PTPRA: variants seen among roughly 807,000 people sequenced by gnomAD.
PTPRA encodes protein tyrosine phosphatase receptor type A.
A neutral mutation model predicts 104.8 loss-of-function variants in PTPRA; 25 were observed. That is an observed-to-expected ratio of 0.24 (90% CI 0.17 to 0.33). The LOEUF is 0.33. PTPRA is among the 10% of genes least tolerant of loss of function. PTPRA has a pLI of 1.00. For synonymous variants in PTPRA, 323 were observed against 368.9 expected, an observed-to-expected ratio of 0.88 and a Z score of 1.43; for missense variants, 765 against 1,015.3, an observed-to-expected ratio of 0.75 and a Z score of 3.35.
intron 20 of PTPRA, among the ~76,000 whole-genome samples, chr20:3,031,308 C>A (rs2065441654): frequency 6.6e-6 from 1 of 151,656 alleles, no homozygotes. Context: ...TGTTTCACTT[C>A]TTTAAGATGC....
chr20:2,907,210 T>C (rs1333261706), intron 1 of PTPRA, among the ~76,000 whole-genome samples: 1 of 152,190 alleles, frequency 6.6e-6, no homozygotes, highest in Admixed American at 6.5e-5. Context: ...TATTATAAAA[T>C]TAGCAAAAGC....
chr20:2,920,601 A>C (rs1421190231), intron 1 of PTPRA, among the ~76,000 whole-genome samples: 4 of 152,120 alleles, frequency 2.6e-5, no homozygotes, highest in African/African-American at 7.2e-5. Context: ...TGCTGAGGAG[A>C]GGAAATTCTG....
At chr20:2,901,698 C>T (rs188979275) in intron 1 of PTPRA, among the ~76,000 whole-genome samples, 157 of 152,042 alleles carry the variant, frequency 1.0e-3, no homozygotes, top group African/African-American at 3.3e-3. Context: ...AAAAATCTTC[C>T]GTTTTGAAAT....
chr20:2,865,861 G>A, the PTPRA span: 9 of 459,898 alleles, frequency 2.0e-5, no homozygotes, highest in African/African-American at 1.8e-4. This position sits in a 1 kb window ranked among gnomAD's most constrained non-coding sequence, Gnocchi z 5.2. Flanking sequence ...GTGGTGGGTA[G>A]TTCAGAGGTG....
intron 3 of PTPRA, among the ~76,000 whole-genome samples, chr20:2,951,163 G>A (rs946609399): frequency 6.6e-6 from 1 of 151,852 alleles, no homozygotes; most frequent in South Asian, 2.1e-4. Context: ...GCAGTGGGGC[G>A]ATCTCGGCTT....
At chr20:2,866,295 C>T in the PTPRA span, 8 of 1,613,960 alleles carry the variant, frequency 5.0e-6, no homozygotes, top group Admixed American at 6.7e-5. Context: ...AGCAGAAGGT[C>T]AAGGCTTTGC....
chr20:3,000,491 T>C (rs145680283), intron 9 of PTPRA, among the ~76,000 whole-genome samples: 1 of 152,288 alleles, frequency 6.6e-6, no homozygotes, highest in Non-Finnish European at 1.5e-5. Flanking sequence ...GGTGGGAGTA[T>C]AAATTAGTAC....
Position 2,965,218 on chromosome 20 carries a change from CTGTT to C in PTPRA, c.415+21_415+24del. 1 of 1,564,746 alleles carries C rather than the reference CTGTT, an allele frequency of 6.4e-7. No homozygotes were observed. The highest frequency in any genetic ancestry group is 8.7e-7 in the Non-Finnish European group (1 of 1,145,004). On this transcript the variant is annotated intron_variant, in intron 5 of 23. Transcript: ENST00000399903. ...CCTCCTTCAGGTACTAGAGATGATTCTGTTTGTTCTTTTGCTCTTTGAGTTTAGT... is the reference window on the plus strand; with the variant it reads ...CCTCCTTCAGGTACTAGAGATGATTCTGTTCTTTTGCTCTTTGAGTTTAGT...
At chr20:2,870,390 T>G (rs2089414460), upstream of PTPRA, among the ~76,000 whole-genome samples, 1 of 151,996 alleles carries the variant, frequency 6.6e-6, no homozygotes, top group African/African-American at 2.4e-5. Context: ...AAAAAAAAAC[T>G]CGGGTTTGAA....
chr20:2,901,434 T>C (rs1249176125), intron 1 of PTPRA, among the ~76,000 whole-genome samples: 1 of 152,212 alleles, frequency 6.6e-6, no homozygotes, highest in Non-Finnish European at 1.5e-5. Context: ...AGAGGTTGCT[T>C]CAGCCATTGC....
At chr20:2,894,473 G>GT (rs965446563) in intron 1 of PTPRA, among the ~76,000 whole-genome samples, 5 of 152,014 alleles carry the variant, frequency 3.3e-5, no homozygotes, top group African/African-American at 7.2e-5. Context: ...TTCAACTTCA[G>GT]TTTTTTTGTG....
intron 1 of PTPRA, among the ~76,000 whole-genome samples, chr20:2,906,664 A>G (rs1349134555): frequency 1.3e-5 from 2 of 152,206 alleles, no homozygotes; most frequent in Admixed American, 6.5e-5. Context: ...TATTCAATAA[A>G]TAATCATCAA....
chr20:2,895,073 T>TTATA (rs1215228796), intron 1 of PTPRA, among the ~76,000 whole-genome samples: 1 of 149,952 alleles, frequency 6.7e-6, no homozygotes, highest in Non-Finnish European at 1.5e-5. Context: ...CTATTACTTG[T>TTATA]TATTTATTTA....
chr20:2,955,690 C>T (rs1167840795), intron 3 of PTPRA: 2 of 983,054 alleles, frequency 2.0e-6, no homozygotes, highest in Non-Finnish European at 2.4e-6. Context: ...ACTCCACCCT[C>T]CCCTGGTGGT....
intron 1 of PTPRA, among the ~76,000 whole-genome samples, chr20:2,898,606 C>G (rs2059112147): frequency 6.6e-6 from 1 of 151,792 alleles, no homozygotes; most frequent in Admixed American, 6.6e-5. Flanking sequence ...GCCTATAATC[C>G]TAGCACTCTG....
chr20:3,006,768 C>T (rs1438582490), intron 10 of PTPRA, among the ~76,000 whole-genome samples: 1 of 152,120 alleles, frequency 6.6e-6, no homozygotes, highest in African/African-American at 2.4e-5. Flanking sequence ...GCTGGGACTA[C>T]CTATAGGCAC....
chr20:3,013,644 C>CGGCCTCCCA (rs1347701032), intron 11 of PTPRA, among the ~76,000 whole-genome samples: 6 of 152,144 alleles, frequency 3.9e-5, no homozygotes, highest in Non-Finnish European at 7.3e-5. Context: ...CTCCCTACCT[C>CGGCCTCCCA]AGGTGATCTG....
chr20:2,959,185 C>G (rs542181890), intron 3 of PTPRA, among the ~76,000 whole-genome samples: 1 of 152,254 alleles, frequency 6.6e-6, no homozygotes, highest in South Asian at 2.1e-4. Flanking sequence ...CTTTTCCTCC[C>G]TAGTGTACGC....
At chr20:2,907,018 A>G (rs530141702) in intron 1 of PTPRA, among the ~76,000 whole-genome samples, 12 of 152,316 alleles carry the variant, frequency 7.9e-5, no homozygotes, top group African/African-American at 2.2e-4. Context: ...CTAAGAAACT[A>G]TATCCACTGC....
Sources: allele counts gnomAD v4.1 joint callset (sites outside exome capture counted in the v4.1 genomes callset), GRCh38; gene constraint gnomAD v4.1.1; non-coding constraint Gnocchi (gnomAD v3.1); transcripts MANE v1.5; gene names NCBI Gene and HGNC (gene_info 2026-07-23, HGNC 2026-07-21).